Variants in CACNB1 observed in about 807,000 individuals in gnomAD.
CACNB1 encodes calcium voltage-gated channel auxiliary subunit beta 1.
Under a neutral mutation model 71.6 loss-of-function variants are expected in CACNB1, and 29 were observed. That is an observed-to-expected ratio of 0.40 (90% CI 0.30 to 0.55). The LOEUF is 0.55. CACNB1 is among the 20% of genes least tolerant of loss of function. The pLI, the probability that CACNB1 is intolerant of heterozygous loss-of-function variation, is 0.38. For synonymous variants in CACNB1, 300 were observed against 319.6 expected (o/e 0.94, Z 0.65); for missense variants, 623 against 801.8 (o/e 0.78, Z 2.69).
In CACNB1 at chr17:39,186,275, T is replaced by A. The variant is rs1262080964; in HGVS notation, c.628+221A>T. On this transcript the variant is annotated intron_variant, in intron 6 of 13. Coordinates refer to ENST00000394303, the MANE Select transcript of CACNB1 (RefSeq NM_000723.5). This position sits in a 1 kb window ranked among gnomAD's most constrained non-coding sequence, Gnocchi z 4.1. ...AATGAATGGGGGCAGGGCAGGGGAA[T>A]CAGGCAGAGAGATGGAGCTACCAAA... The A allele has an allele frequency of 1.6e-6, 1 of 639,086 alleles. No individual in the cohort carries two copies. 39.6% of individuals were successfully genotyped at this position (639,086 alleles called of 1,614,324 possible). A position where few individuals can be genotyped will look rare whatever the true frequency, so the allele number is the denominator to read the frequency against.
chr17:39,190,524 T>C (rs2046049189), intron 3 of CACNB1, among the ~76,000 whole-genome samples: 3 of 152,102 alleles, frequency 2.0e-5, no homozygotes, highest in Admixed American at 2.0e-4. Context: ...GCCTCCTTAG[T>C]TCAAGCGATT....
At position 39,177,552 on chromosome 17, in the gene CACNB1, AG is replaced by A. The variant is rs2045616992; in HGVS notation, c.1147-18del. 1.3e-6 allele frequency: 2 copies of A among 1,540,702 alleles called. No homozygotes were observed. The highest frequency in any genetic ancestry group is 8.8e-7 in the Non-Finnish European group (1 of 1,139,476). ...AAACATTTCCTGTGAAGGCGGGGTT[AG>A]GGGGCAGGGCTGGGATGAGTGGGGC... On this transcript the variant is annotated intron_variant, in intron 12 of 13. Coordinates refer to ENST00000394303, the MANE Select transcript of CACNB1 (RefSeq NM_000723.5).
At chr17:39,181,329 G>A (rs1197028882) in intron 11 of CACNB1, among the ~76,000 whole-genome samples, 2 of 151,876 alleles carry the variant, frequency 1.3e-5, no homozygotes, top group African/African-American at 4.8e-5. Flanking sequence ...CTTTAGCTCA[G>A]GCAATCCGCC....
chr17:39,193,100 ACG>A, intron 2 of CACNB1: 1 of 198,516 alleles, frequency 5.0e-6, no homozygotes, highest in Non-Finnish European at 1.1e-5. Context: ...ATGCAGGCAT[ACG>A]CGCGCACACA....
rs958613665 is a variant in CACNB1, at chr17:39,189,956, CA to C, written c.291+1517del. 4.3e-3 allele frequency among the ~76,000 whole-genome samples: 622 copies of C among 144,966 alleles called. 19 individuals are homozygous for C. The highest frequency in any genetic ancestry group is 1.1e-3 in the Non-Finnish European group (73 of 65,954). ...TGAAACCCCATCTCTACTAAAAATACAAAAAAAAATTAGCCGGGCATGGTGG... is the reference window on the plus strand; with the variant it reads ...TGAAACCCCATCTCTACTAAAAATACAAAAAAAATTAGCCGGGCATGGTGG... On this transcript the variant is annotated intron_variant, in intron 3 of 13. Coordinates refer to ENST00000394303, the MANE Select transcript of CACNB1 (RefSeq NM_000723.5).
chr17:39,176,618 GCT>G (rs1989852533), intron 13 of CACNB1, among the ~76,000 whole-genome samples: 1 of 152,144 alleles, frequency 6.6e-6, no homozygotes, highest in South Asian at 2.1e-4. Context: ...GAACAAATGG[GCT>G]CTGTTGCTGA....
Position 39,174,888 on chromosome 17 carries a change from A to C in CACNB1, c.*305T>G. The C allele has an allele frequency of 2.7e-6, 1 of 369,488 alleles. No homozygotes were observed. The highest frequency in any genetic ancestry group is 5.1e-5 in the East Asian group (1 of 19,586). The allele number at this position is 369,488 out of a possible 1,614,324, so 22.9% of individuals were successfully genotyped here. On this transcript the variant is annotated 3_prime_UTR_variant, in exon 14 of 14. Coordinates refer to ENST00000394303, the MANE Select transcript of CACNB1 (RefSeq NM_000723.5). ...GGGCCCCGAGTAGAAAGAGTTAAGG[A>C]AGTGCACCTTTTCTCTAGGAGGGTG...
In CACNB1 at chr17:39,177,413, C is replaced by T. The variant is rs1332628319; in HGVS notation, c.1269G>A (p.Leu423=). ...HPPSSTPPNP[L]LNRTMATAAL... ...CTGCGGTAGCCATGGTGCGGTTCAG[C>T]AGCGGATTGGGTGGCGTGCTGCTGG... Residue 423 remains leucine, a synonymous_variant, in exon 13 of 14, where the codon CTG becomes CTA. Transcript: ENST00000394303. 6.2e-7 allele frequency: 1 copy of T among 1,613,706 alleles called. No individual in the cohort carries two copies. Among genetic ancestry groups the T allele is most frequent in the Non-Finnish European group, 8.5e-7 (1 of 1,179,874 alleles).
chr17:39,195,155 A>AT, intron 1 of CACNB1, 185 bp from the exon 2 acceptor site: 2 of 561,206 alleles, frequency 3.6e-6, no homozygotes, highest in Non-Finnish European at 6.3e-6. Context: ...CCTCACGGAG[A>AT]GGGCCCAGAG....
In CACNB1 at chr17:39,186,661, C is replaced by A; in HGVS notation, c.552-89G>T. 6.6e-7 allele frequency: 1 copy of A among 1,510,458 alleles called. No individual in the cohort carries two copies. Among genetic ancestry groups the A allele is most frequent in the East Asian group, 2.3e-5 (1 of 44,174 alleles). The allele number at this position is 1,510,458 out of a possible 1,614,324, so 93.6% of individuals were successfully genotyped here. On this transcript the variant is annotated intron_variant, in intron 5 of 13. Transcript: ENST00000394303. The surrounding 1 kb of genome is among the most constrained non-coding windows in gnomAD (Gnocchi z 4.1). The stretch of plus-strand genomic sequence containing the variant: ...CTCACATGCGGCACCCCCGGAGGTG[C>A]TCCAGCCCCACTGGTGATGCCACAG...
chr17:39,182,562 C>CGTG (rs1047060127), intron 11 of CACNB1, among the ~76,000 whole-genome samples: 2 of 150,242 alleles, frequency 1.3e-5, no homozygotes, highest in African/African-American at 2.5e-5. Flanking sequence ...TTAGCCGGGC[C>CGTG]GTGGTGGTAC....
At position 39,175,135 on chromosome 17, in the gene CACNB1, C is replaced by A; in HGVS notation, c.*58G>T. 1 of 1,392,258 alleles carries A rather than the reference C, an allele frequency of 7.2e-7. No homozygotes were observed. Among genetic ancestry groups the A allele is most frequent in the Non-Finnish European group, 9.9e-7 (1 of 1,008,992 alleles). The allele number at this position is 1,392,258 out of a possible 1,614,324, so 86.2% of individuals were successfully genotyped here. A position where few individuals can be genotyped will look rare whatever the true frequency, so the allele number is the denominator to read the frequency against. On this transcript the variant is annotated 3_prime_UTR_variant, in exon 14 of 14. Transcript: ENST00000394303. This position sits in a 1 kb window ranked among gnomAD's most constrained non-coding sequence, Gnocchi z 4.7. ...GAATACATGTCAGGTGTGAGCCCCTCGCTCCCTCCCCTCCCCTGGGCTCAG... is the reference window on the plus strand; with the variant it reads ...GAATACATGTCAGGTGTGAGCCCCTAGCTCCCTCCCCTCCCCTGGGCTCAG...
intron 11 of CACNB1, among the ~76,000 whole-genome samples, chr17:39,178,650 T>C (rs760715507): frequency 6.6e-6 from 1 of 152,258 alleles, no homozygotes; most frequent in Non-Finnish European, 1.5e-5. Context: ...CTCAAAGTGC[T>C]GGGATTATAG....
intron 11 of CACNB1, among the ~76,000 whole-genome samples, chr17:39,178,788 C>A (rs1008805501): frequency 1.3e-5 from 2 of 152,168 alleles, no homozygotes; most frequent in African/African-American, 4.8e-5. Flanking sequence ...TGAGTCCTGA[C>A]AACAATCCTG....
At chr17:39,187,191 C>T in intron 4 of CACNB1, 3 of 601,516 alleles carry the variant, frequency 5.0e-6, no homozygotes, top group Non-Finnish European at 8.8e-6. Flanking sequence ...TGTGCCCACC[C>T]TACTCTACAA....
rs139811031 is a variant in CACNB1 at position 39,177,400 on chromosome 17, T to C, written c.1282A>G (p.Met428Val). The C allele has an allele frequency of 1.2e-6, 2 of 1,613,468 alleles. No individual in the cohort carries two copies. Among genetic ancestry groups the C allele is most frequent in the South Asian group, 1.1e-5 (1 of 90,948 alleles). The change falls in exon 13 of 14, where the codon ATG (methionine) becomes GTG (valine). Residue 428 changes from methionine (M) to valine (V), a missense_variant. Met to Val is a conservative substitution (Grantham distance 21, BLOSUM62 1). Coordinates refer to ENST00000394303, the MANE Select transcript of CACNB1 (RefSeq NM_000723.5). ...CTGGCAGCCAGGGCTGCGGTAGCCA[T>C]GGTGCGGTTCAGCAGCGGATTGGGT... The part of the protein sequence containing the change: ...TPPNPLLNRT[M>V]ATAALAASPA...
At position 39,186,771 on chromosome 17, in the gene CACNB1, T is replaced by C; in HGVS notation, c.551+22A>G. The C allele has an allele frequency of 1.9e-6, 3 of 1,612,932 alleles. No homozygotes were observed. Among genetic ancestry groups the C allele is most frequent in the Non-Finnish European group, 2.5e-6 (3 of 1,179,560 alleles). On this transcript the variant is annotated intron_variant, in intron 5 of 13. Transcript: ENST00000394303. The surrounding 1 kb of genome is among the most constrained non-coding windows in gnomAD (Gnocchi z 4.1). The stretch of plus-strand genomic sequence containing the variant: ...CTCTCCTGGGGTTGGCAGCATCCCC[T>C]TCCCCTGCCCCACCCAGACACCTGG...
chr17:39,185,266 C>T lies in CACNB1; in HGVS notation c.629-116G>A, dbSNP rs878970611. The T allele has an allele frequency of 3.5e-5, 28 of 807,680 alleles. No homozygotes were observed. The East Asian group carries it at 3.5e-4, about 10-fold the overall frequency. The allele number at this position is 807,680 out of a possible 1,614,324, so 50.0% of individuals were successfully genotyped here. A position where few individuals can be genotyped will look rare whatever the true frequency, so the allele number is the denominator to read the frequency against. ...AGAGAGGGAGGGAGAGCCGGGCAGA[C>T]GAGGAGAGATAACAGGGCATGCGTG... On this transcript the variant is annotated intron_variant, in intron 6 of 13. Transcript: ENST00000394303.
At chr17:39,196,392 C>T (rs558550574) in intron 1 of CACNB1, among the ~76,000 whole-genome samples, 1 of 152,276 alleles carries the variant, frequency 6.6e-6, no homozygotes, top group South Asian at 2.1e-4. Context: ...CAGGGGACAG[C>T]TGAAAGGAAG....
Sources: allele counts gnomAD v4.1 joint callset (sites outside exome capture counted in the v4.1 genomes callset), GRCh38; gene constraint gnomAD v4.1.1; non-coding constraint Gnocchi (gnomAD v3.1); transcripts MANE v1.5; gene names NCBI Gene and HGNC (gene_info 2026-07-23, HGNC 2026-07-21).